Variants in MGAT5 observed in about 807,000 individuals in gnomAD.
MGAT5 encodes the protein alpha-1,6-mannosylglycoprotein 6-beta-N-acetylglucosaminyltransferase A.
A neutral mutation model predicts 94.3 loss-of-function variants in MGAT5; 30 were observed. That is an observed-to-expected ratio of 0.32 (90% CI 0.24 to 0.43). The LOEUF (loss-of-function observed/expected upper bound fraction) is 0.43. Among genes scored for constraint, MGAT5 ranks in the 20% least tolerant of loss-of-function variants. MGAT5 has a pLI of 1.00. For synonymous variants in MGAT5, 310 were observed against 322.9 expected (o/e 0.96, Z 0.43); for missense variants, 691 against 905.5 (o/e 0.76, Z 3.04).
chr2:134,436,280 AG>A (rs1685159150), intron 14 of MGAT5, among the ~76,000 whole-genome samples: 1 of 152,186 alleles, frequency 6.6e-6, no homozygotes, highest in South Asian at 2.1e-4. Flanking sequence ...TGCCACCTTC[AG>A]GCCTCCCTCT....
At chr2:134,337,229 CT>C (rs1015056042) in intron 5 of MGAT5, among the ~76,000 whole-genome samples, 2 of 152,156 alleles carry the variant, frequency 1.3e-5, no homozygotes, top group African/African-American at 4.8e-5. Context: ...AATTTCAGCA[CT>C]TTAGGAGGCT....
chr2:134,177,107 G>A (rs912079324), intron 1 of MGAT5, among the ~76,000 whole-genome samples: 2 of 112,640 alleles, frequency 1.8e-5, no homozygotes, highest in African/African-American at 3.9e-5. Flanking sequence ...TGAAAGGCAC[G>A]TGTCCTGTGA....
intron 1 of MGAT5, among the ~76,000 whole-genome samples, chr2:134,172,205 A>G (rs1688242539): frequency 2.6e-5 from 4 of 152,116 alleles, no homozygotes; most frequent in Admixed American, 2.6e-4. Flanking sequence ...CAGCACACAC[A>G]TCATCATGGT....
At chr2:134,303,095 ACT>A (rs1686123981) in intron 2 of MGAT5, among the ~76,000 whole-genome samples, 1 of 150,382 alleles carries the variant, frequency 6.6e-6, no homozygotes, top group African/African-American at 2.4e-5. Context: ...GGTCATGGAG[ACT>A]CTATGTGTTT....
At chr2:134,171,768 T>C (rs1448228078) in intron 1 of MGAT5, among the ~76,000 whole-genome samples, 2 of 152,156 alleles carry the variant, frequency 1.3e-5, no homozygotes, top group Admixed American at 1.3e-4. Flanking sequence ...AAGTGGACAT[T>C]GGAGGAGGCT....
chr2:134,338,165 TA>T (rs1688436038), intron 5 of MGAT5, 93 bp from the exon 6 acceptor site: 1 of 1,049,706 alleles, frequency 9.5e-7, no homozygotes, highest in African/African-American at 1.6e-5. Flanking sequence ...TTTAATTGAC[TA>T]ACCCTTTTAA....
At chr2:134,249,521 T>C (rs1682468556), upstream of MGAT5, among the ~76,000 whole-genome samples, 1 of 152,250 alleles carries the variant, frequency 6.6e-6, no homozygotes, top group South Asian at 2.1e-4. Context: ...TGTTTTTTTG[T>C]TACTTTTTTT....
intron 10 of MGAT5, among the ~76,000 whole-genome samples, chr2:134,364,079 T>C (rs1251378814): frequency 1.3e-5 from 2 of 152,196 alleles, no homozygotes; most frequent in Admixed American, 1.3e-4. Flanking sequence ...AACCACCTCC[T>C]AGCACTCTCT....
chr2:134,239,749 A>G (rs528679991), intron 1 of MGAT5, among the ~76,000 whole-genome samples: 57 of 151,992 alleles, frequency 3.8e-4, no homozygotes, highest in Admixed American at 3.5e-3. Context: ...TACCATAGCT[A>G]TCTTGCTCTT....
At chr2:134,165,656 TC>T (rs942468574) in intron 1 of MGAT5, among the ~76,000 whole-genome samples, 1 of 152,062 alleles carries the variant, frequency 6.6e-6, no homozygotes, top group African/African-American at 2.4e-5. Context: ...GCGCCTGTAG[TC>T]CCAGCTACTC....
chr2:134,376,231 G>A (rs1277532175), intron 10 of MGAT5, among the ~76,000 whole-genome samples: 1 of 152,142 alleles, frequency 6.6e-6, no homozygotes, highest in Non-Finnish European at 1.5e-5. Context: ...TTGCCTAAGA[G>A]AGTCTTCACT....
At chr2:134,375,849 G>C (rs1681135764) in intron 10 of MGAT5, among the ~76,000 whole-genome samples, 1 of 152,172 alleles carries the variant, frequency 6.6e-6, no homozygotes, top group Non-Finnish European at 1.5e-5. Context: ...AGAGGGCCCA[G>C]AAAGTCAGTA....
intron 2 of MGAT5, among the ~76,000 whole-genome samples, chr2:134,281,709 C>T (rs77204278): frequency 0.04 from 6,097 of 152,204 alleles, 311 homozygotes; most frequent in East Asian, 0.11. Flanking sequence ...CTGTACCTTC[C>T]CACTCCAAAA....
intron 1 of MGAT5, among the ~76,000 whole-genome samples, chr2:134,260,382 C>A (rs181023392): frequency 1.3e-5 from 2 of 152,124 alleles, no homozygotes; most frequent in Admixed American, 1.3e-4. Flanking sequence ...TTTGGACTTC[C>A]GATTGGCCCT....
intron 13 of MGAT5, among the ~76,000 whole-genome samples, chr2:134,423,925 C>G (rs938069204): frequency 2.0e-5 from 3 of 152,190 alleles, no homozygotes; most frequent in African/African-American, 7.2e-5. Context: ...TGTCTCATTT[C>G]TGTATTTCCG....
rs368641790 is a variant in MGAT5, at chr2:134,269,199, AC to A, written c.242-1185del. Among the ~76,000 whole-genome samples the A allele has an allele frequency of 2.1e-3, 318 of 152,340 alleles. 1 individual carries two copies. Among genetic ancestry groups the A allele is most frequent in the African/African-American group, 7.5e-3 (311 of 41,584 alleles). Reference sequence around the variant, plus strand: ...TCTGCAGCTGTACAAGAAGCACAGCACCAGCATCTGCTTCTGGTTCATGAGG... The same window carrying A: ...TCTGCAGCTGTACAAGAAGCACAGCACAGCATCTGCTTCTGGTTCATGAGG... On this transcript the variant is annotated intron_variant, in intron 1 of 15. Coordinates refer to ENST00000281923, the MANE Select transcript of MGAT5 (RefSeq NM_002410.5).
At chr2:134,395,051 T>C (rs919374471) in intron 10 of MGAT5, among the ~76,000 whole-genome samples, 1 of 152,330 alleles carries the variant, frequency 6.6e-6, no homozygotes, top group Non-Finnish European at 1.5e-5. Flanking sequence ...GCTGACACAT[T>C]TGGGCTGTGG....
Position 134,121,875 on chromosome 2 carries a change from A to G in MGAT5, c.-143+1584A>G, listed in dbSNP as rs116832122. Among the ~76,000 whole-genome samples the G allele has an allele frequency of 9.6e-3, 1,461 of 152,170 alleles. 26 individuals carry two copies. The highest frequency in any genetic ancestry group is 0.031 in the African/African-American group (1,305 of 41,504). ...ACTCCCCAGCGTTAATCTCTGTGTC[A>G]TGCACATCCTAAGCCTTACGGCTGC... On this transcript the variant is annotated intron_variant, in intron 1 of 16. Transcript: ENST00000409645.
chr2:134,294,695 G>T (rs1191996800), intron 2 of MGAT5, among the ~76,000 whole-genome samples: 1 of 150,756 alleles, frequency 6.6e-6, no homozygotes, highest in African/African-American at 2.4e-5. Flanking sequence ...AGAAATCAAT[G>T]TACTTTATGT....
Sources: allele counts gnomAD v4.1 joint callset (sites outside exome capture counted in the v4.1 genomes callset), GRCh38; gene constraint gnomAD v4.1.1; transcripts MANE v1.5; gene names NCBI Gene and HGNC (gene_info 2026-07-23, HGNC 2026-07-21).